THRB: variants seen among roughly 807,000 people sequenced by gnomAD.
THRB encodes thyroid hormone receptor beta, also known as nuclear receptor subfamily 1 group A member 2.
THRB carries 12 observed loss-of-function variants against 47.8 expected under a neutral mutation model. The observed-to-expected ratio is 0.25, with a 90% CI of 0.16 to 0.41. The LOEUF (loss-of-function observed/expected upper bound fraction) is 0.41, where lower values mean the gene tolerates loss of function less well. THRB is among the 10% of genes least tolerant of loss of function. The pLI, the probability that THRB is intolerant of heterozygous loss-of-function variation, is 1.00. For synonymous variants in THRB, 218 were observed against 212.2 expected (o/e 1.03, Z -0.24); for missense variants, 348 against 589.2 (o/e 0.59, Z 4.24).
chr3:24,236,696 GA>G (rs376332008), intron 3 of THRB, among the ~76,000 whole-genome samples: 1 of 151,838 alleles, frequency 6.6e-6, no homozygotes, highest in Non-Finnish European at 1.5e-5. Context: ...GAATTTTTGT[GA>G]AAAAAAATTT....
At chr3:24,459,019 T>C (rs2073445685) in intron 1 of THRB, 1 of 152,090 alleles carries the variant, frequency 6.6e-6, no homozygotes, top group Non-Finnish European at 1.5e-5. Flanking sequence ...GCAGTTTTGT[T>C]ACATAGGTAT....
At chr3:24,158,945 GAAT>G (rs759476183) in intron 5 of THRB, among the ~76,000 whole-genome samples, 1 of 152,074 alleles carries the variant, frequency 6.6e-6, no homozygotes, top group East Asian at 1.9e-4. Context: ...AAGACGGCAT[GAAT>G]TAGAAAGCAG....
rs541939378 is a variant in THRB, at chr3:24,146,967, T to C, written c.385-145A>G. 22 of 703,246 alleles carry C rather than the reference T, an allele frequency of 3.1e-5. 1 individual carries two copies. The South Asian group carries it at 3.5e-4, about 11-fold the overall frequency. 43.6% of individuals were successfully genotyped at this position (703,246 alleles called of 1,614,324 possible). On this transcript the variant is annotated intron_variant, in intron 6 of 10. Coordinates refer to ENST00000646209, the MANE Select transcript of THRB (RefSeq NM_001354712.2). ...GCCTCTAGCTCCACATATTCAAATA[T>C]AAGACAGTTGGCCCAGAAGGATCTA... is the stretch of plus-strand genomic sequence containing the variant.
At chr3:24,329,298 A>G (rs1287247992) in intron 2 of THRB, among the ~76,000 whole-genome samples, 2 of 152,100 alleles carry the variant, frequency 1.3e-5, no homozygotes, top group Non-Finnish European at 2.9e-5. Context: ...ATTACATTTC[A>G]TGTCTTTGCA....
intron 1 of THRB, among the ~76,000 whole-genome samples, chr3:24,383,538 G>A (rs1046379006): frequency 3.3e-5 from 5 of 152,042 alleles, no homozygotes; most frequent in Admixed American, 6.6e-5. Context: ...TTGATGACAC[G>A]AAATCAAGTA....
At chr3:24,317,181 G>A (rs1363013235) in intron 2 of THRB, among the ~76,000 whole-genome samples, 1 of 152,090 alleles carries the variant, frequency 6.6e-6, no homozygotes, top group Non-Finnish European at 1.5e-5. Flanking sequence ...ATGAGTTTGT[G>A]GGTTCAAATT....
chr3:24,174,883 CT>C (rs1401690339), intron 5 of THRB, among the ~76,000 whole-genome samples: 7 of 152,186 alleles, frequency 4.6e-5, no homozygotes, highest in Admixed American at 6.5e-5. Context: ...AGTCATAAGA[CT>C]GATAAGTGGT....
At chr3:24,183,276 T>A (rs1323885884) in intron 5 of THRB, among the ~76,000 whole-genome samples, 1 of 152,066 alleles carries the variant, frequency 6.6e-6, no homozygotes, top group East Asian at 1.9e-4. Context: ...GTTATCATTG[T>A]TTAGTCTCTC....
At chr3:24,462,163 TAA>T (rs34213307) in intron 1 of THRB, among the ~76,000 whole-genome samples, 10 of 146,420 alleles carry the variant, frequency 6.8e-5, no homozygotes, top group Non-Finnish European at 9.0e-5. Context: ...ACATAATGGC[TAA>T]AAAAAAAAAA....
intron 5 of THRB, among the ~76,000 whole-genome samples, chr3:24,153,965 C>T (rs565583841): frequency 6.6e-6 from 1 of 152,074 alleles, no homozygotes; most frequent in Non-Finnish European, 1.5e-5. Flanking sequence ...TTTTATTAAA[C>T]TAGGTCACTG....
chr3:24,423,806 C>T (rs1022494695), intron 1 of THRB, among the ~76,000 whole-genome samples: 1 of 151,612 alleles, frequency 6.6e-6, no homozygotes, highest in East Asian at 2.0e-4. Flanking sequence ...AAAATGAATA[C>T]CAAGGTATAT....
intron 10 of THRB, among the ~76,000 whole-genome samples, chr3:24,125,680 C>G (rs1438924966): frequency 6.6e-6 from 1 of 152,132 alleles, no homozygotes. Context: ...ACCCTCAGCC[C>G]TAGAGGTCAT....
At chr3:24,386,153 T>C (rs988985396) in intron 1 of THRB, among the ~76,000 whole-genome samples, 4 of 152,106 alleles carry the variant, frequency 2.6e-5, no homozygotes, top group Non-Finnish European at 4.4e-5. Flanking sequence ...CACGCCTCCA[T>C]TTCCACAGTC....
chr3:24,360,080 C>T (rs867007941), intron 1 of THRB, among the ~76,000 whole-genome samples: 21 of 152,252 alleles, frequency 1.4e-4, no homozygotes, highest in African/African-American at 3.4e-4. Flanking sequence ...AGATGTGCTC[C>T]AGTAATCCCC....
At chr3:24,158,545 C>T (rs1431780228) in intron 5 of THRB, among the ~76,000 whole-genome samples, 4 of 152,006 alleles carry the variant, frequency 2.6e-5, no homozygotes, top group Non-Finnish European at 4.4e-5. Flanking sequence ...TCTCCTGCCT[C>T]AGCCTCCTGA....
At chr3:24,316,277 C>G (rs1452257975) in intron 2 of THRB, among the ~76,000 whole-genome samples, 1 of 152,138 alleles carries the variant, frequency 6.6e-6, no homozygotes, top group Non-Finnish European at 1.5e-5. Flanking sequence ...CTTCTAAAAG[C>G]CTGAATCATA....
intron 1 of THRB, among the ~76,000 whole-genome samples, chr3:24,431,503 A>T (rs1361052426): frequency 6.6e-6 from 1 of 152,110 alleles, no homozygotes; most frequent in African/African-American, 2.4e-5. Context: ...GTTAGCAAGG[A>T]TGTGGAGCAA....
At chr3:24,314,430 A>G (rs1463530204) in intron 2 of THRB, among the ~76,000 whole-genome samples, 1 of 152,192 alleles carries the variant, frequency 6.6e-6, no homozygotes, top group Non-Finnish European at 1.5e-5. Flanking sequence ...AGAGATCTTT[A>G]AATGTATTTT....
chr3:24,491,586 A>G (rs1327992377), intron 1 of THRB, among the ~76,000 whole-genome samples: 1 of 152,228 alleles, frequency 6.6e-6, no homozygotes, highest in Admixed American at 6.5e-5. Context: ...AGACCTATTT[A>G]TTTCTATCTT....
Sources: allele counts gnomAD v4.1 joint callset (sites outside exome capture counted in the v4.1 genomes callset), GRCh38; gene constraint gnomAD v4.1.1; transcripts MANE v1.5; gene names NCBI Gene and HGNC (gene_info 2026-07-23, HGNC 2026-07-21).